SAE1: variants seen among roughly 807,000 people sequenced by gnomAD.
SAE1 encodes the protein SUMO1 activating enzyme subunit 1, also known as SUMO-activating enzyme subunit 1.
A neutral mutation model predicts 40.6 loss-of-function variants in SAE1; 11 were observed. The ratio of observed to expected loss-of-function variants is 0.27; its 90% CI spans 0.17 to 0.45. SAE1 has a LOEUF of 0.45. SAE1 is among the 20% of genes least tolerant of loss of function. The probability of loss-of-function intolerance (pLI) is 1.00; values close to 1 mark genes in which losing one functional copy is unlikely to be tolerated. For missense variants in SAE1, 373 were observed against 427.3 expected (o/e 0.87, Z 1.12); for synonymous variants, 155 against 154.3 (o/e 1.00, Z -0.03).
At chr19:47,132,467 A>T (rs1454630063) in intron 1 of SAE1, among the ~76,000 whole-genome samples, 1 of 143,004 alleles carries the variant, frequency 7.0e-6, no homozygotes, top group Non-Finnish European at 1.5e-5. Context: ...CATGTTGCCC[A>T]GACTGGTCTT....
chr19:47,156,269 TAAAA>T (rs568932525), intron 5 of SAE1, among the ~76,000 whole-genome samples: 2 of 132,858 alleles, frequency 1.5e-5, no homozygotes, highest in Non-Finnish European at 1.6e-5. Flanking sequence ...AGATCCTGTC[TAAAA>T]AAAAAAAAAG....
At chr19:47,164,734 T>C (rs1232466617) in intron 5 of SAE1, among the ~76,000 whole-genome samples, 2 of 142,752 alleles carry the variant, frequency 1.4e-5, no homozygotes, top group African/African-American at 5.2e-5. Context: ...CTGCAACCTC[T>C]GCCTCCCAGG....
chr19:47,179,949 A>G (rs2058496036), intron 6 of SAE1, among the ~76,000 whole-genome samples: 1 of 152,194 alleles, frequency 6.6e-6, no homozygotes, highest in South Asian at 2.1e-4. Context: ...TATAGTGTTA[A>G]TAGTGAGAAT....
At chr19:47,167,833 C>A (rs1363326984) in intron 5 of SAE1, among the ~76,000 whole-genome samples, 1 of 152,020 alleles carries the variant, frequency 6.6e-6, no homozygotes, top group Non-Finnish European at 1.5e-5. Flanking sequence ...TTTTTAGAGA[C>A]GGGATCTAAC....
At chr19:47,157,327 C>T (rs2058330657) in intron 5 of SAE1, among the ~76,000 whole-genome samples, 1 of 152,110 alleles carries the variant, frequency 6.6e-6, no homozygotes, top group Non-Finnish European at 1.5e-5. Context: ...CTGAATAGCT[C>T]CGTGAATTTG....
intron 6 of SAE1, among the ~76,000 whole-genome samples, chr19:47,170,970 C>A (rs1283177731): frequency 6.6e-6 from 1 of 152,002 alleles, no homozygotes; most frequent in African/African-American, 2.4e-5. Context: ...TCTTCCTGTA[C>A]CTGGCACTTT....
chr19:47,179,336 T>C lies in SAE1; in HGVS notation c.733+9413T>C, dbSNP rs190940654. 7.1e-3 allele frequency among the ~76,000 whole-genome samples: 1,070 copies of C among 151,424 alleles called. 11 individuals are homozygous for C. Among genetic ancestry groups the C allele is most frequent in the African/African-American group, 0.025 (1,035 of 41,232 alleles). The stretch of plus-strand genomic sequence containing the variant: ...GCCTGGGCAACATGGTGAAACCCTG[T>C]CTCTACTAAAGTACAAAAAAATTAG... On this transcript the variant is annotated intron_variant, in intron 6 of 8. Coordinates refer to ENST00000270225, the MANE Select transcript of SAE1 (RefSeq NM_005500.3).
At chr19:47,172,683 G>C (rs1448014261) in intron 6 of SAE1, among the ~76,000 whole-genome samples, 1 of 151,278 alleles carries the variant, frequency 6.6e-6, no homozygotes, top group African/African-American at 2.4e-5. Flanking sequence ...CTGGGTGACA[G>C]AGCTGAACTC....
In SAE1 at chr19:47,181,907, G is replaced by A. The variant is rs563075169; in HGVS notation, c.733+11984G>A. Among the ~76,000 whole-genome samples the A allele has an allele frequency of 2.7e-5, 4 of 149,786 alleles. No individual in the cohort carries two copies. The East Asian group carries it at 5.9e-4, about 22-fold the overall frequency. ...CAGCCTCAGCCTCCTGGACTCAAGC[G>A]ATCCTCCCACATCACCCTTCTGAGT... is the stretch of plus-strand genomic sequence containing the variant. On this transcript the variant is annotated intron_variant, in intron 6 of 8. Coordinates refer to ENST00000270225, the MANE Select transcript of SAE1 (RefSeq NM_005500.3).
chr19:47,185,180 C>G (rs1032561376), intron 6 of SAE1, among the ~76,000 whole-genome samples: 2 of 152,152 alleles, frequency 1.3e-5, no homozygotes, highest in Admixed American at 6.5e-5. Flanking sequence ...TCTAAAATCT[C>G]TGTTTCAACA....
rs780825201 is a variant in SAE1 at position 47,203,642 on chromosome 19, TC to T, written c.879-27del. 4 of 1,602,982 alleles carry T rather than the reference TC, an allele frequency of 2.5e-6. No homozygotes were observed. In the South Asian group the frequency reaches 4.4e-5, roughly 18 times the overall value. On this transcript the variant is annotated intron_variant, in intron 7 of 8. Transcript: ENST00000270225. ...ATGGTCACAGTTCTGTTCCCAGTGC[TC>T]CATTTTCCTTGTCTTCCTCTCTTTT...
rs2058668079 is a variant in SAE1 at position 47,203,708 on chromosome 19, G to C, written c.916G>C (p.Val306Leu). ...CGAGATGGCCCCAGTGTGTGCGGTG[G>C]TTGGAGGGATTTTGGCACAGGAAAT... The part of the protein sequence containing the change: ...FSEMAPVCAV[V>L]GGILAQEIVK... The change falls in exon 8 of 9, where the codon GTT (valine) becomes CTT (leucine). Residue 306 changes from valine to leucine, a missense_variant. Coordinates refer to ENST00000270225, the MANE Select transcript of SAE1 (RefSeq NM_005500.3). The C allele has an allele frequency of 6.2e-7, 1 of 1,613,990 alleles. No individual in the cohort carries two copies. The highest frequency in any genetic ancestry group is 1.3e-5 in the African/African-American group (1 of 74,904).
chr19:47,136,211 C>G (rs1428345187), intron 1 of SAE1, among the ~76,000 whole-genome samples: 8 of 150,850 alleles, frequency 5.3e-5, no homozygotes, highest in Non-Finnish European at 1.2e-4. Context: ...CGATCTCAGC[C>G]CAGTACAATC....
intron 5 of SAE1, among the ~76,000 whole-genome samples, chr19:47,164,729 A>G (rs1600174771): frequency 7.1e-6 from 1 of 141,648 alleles, no homozygotes; most frequent in Admixed American, 7.6e-5. Flanking sequence ...GCTCACTGCA[A>G]CCTCTGCCTC....
rs2058704871 is a variant in SAE1 at position 47,209,889 on chromosome 19, G to A, written c.*638G>A. On this transcript the variant is annotated 3_prime_UTR_variant, in exon 9 of 9. Transcript: ENST00000270225. ...GTTTAGGATTAGTTGAGTTCCAGCT[G>A]GGTTTTGGGAGAAAGGAGATGCTAC... is the stretch of plus-strand genomic sequence containing the variant. 1 of 152,312 alleles carries A rather than the reference G, an allele frequency of 6.6e-6. No homozygotes were observed. The highest frequency in any genetic ancestry group is 2.1e-4 in the South Asian group (1 of 4,836). 9.4% of individuals were successfully genotyped at this position (152,312 alleles called of 1,614,324 possible).
rs539305630 is a variant in SAE1 at position 47,164,497 on chromosome 19, T to C, written c.628-5321T>C. Among the ~76,000 whole-genome samples the C allele has an allele frequency of 3.5e-4, 54 of 152,130 alleles. 1 individual carries two copies. The South Asian group carries it at 8.5e-3, about 24-fold the overall frequency. On this transcript the variant is annotated intron_variant, in intron 5 of 8. Transcript: ENST00000270225. ...CGCGTGATTTTAAATGTCTGTGTCA[T>C]TTTTCCTCTTCTTGCCTAGCCATAA...
rs57870733 is a variant in SAE1 at position 47,154,480 on chromosome 19, C to CTTTT, written c.528-607_528-604dup. On this transcript the variant is annotated intron_variant, in intron 4 of 8. Transcript: ENST00000270225. Reference sequence around the variant, plus strand: ...AGCAGAGGGGCAGAATTAAGTTTGGCTTTTTTTTTTTTTTTTTTTTTTTTT... The same window carrying CTTTT: ...AGCAGAGGGGCAGAATTAAGTTTGGCTTTTTTTTTTTTTTTTTTTTTTTTTTTTT... Among the ~76,000 whole-genome samples, 220 of 51,620 alleles carry CTTTT rather than the reference C, an allele frequency of 4.3e-3. 38 individuals are homozygous for CTTTT. The highest frequency in any genetic ancestry group is 0.013 in the African/African-American group (158 of 11,992). 33.9% of individuals were successfully genotyped at this position (51,620 alleles called of 152,430 possible). A position where few individuals can be genotyped will look rare whatever the true frequency, so the allele number is the denominator to read the frequency against.
chr19:47,150,159 C>T, intron 2 of SAE1, 43 bp from the exon 3 acceptor site: 6 of 1,325,140 alleles, frequency 4.5e-6, no homozygotes, highest in East Asian at 2.6e-5. Context: ...ATTTATTTTC[C>T]CTAAAAATAC....
chr19:47,143,650 T>C (rs1568586670), intron 2 of SAE1, 45 bp downstream of exon 2: 1 of 1,427,394 alleles, frequency 7.0e-7, no homozygotes, highest in Non-Finnish European at 9.9e-7. Context: ...GGCTCCCCTT[T>C]CCAGCATGAA....
Sources: gnomAD v4.1 joint callset for allele counts (sites outside exome capture counted in the v4.1 genomes callset) on GRCh38, gnomAD v4.1.1 for gene constraint, MANE v1.5 for transcripts, NCBI Gene and HGNC (gene_info 2026-07-23, HGNC 2026-07-21) for gene names.